Variants in HDAC9 observed in about 807,000 individuals in gnomAD.
The protein encoded by HDAC9 is MEF-2 interacting transcription repressor (MITR) protein.
HDAC9 carries 41 observed loss-of-function variants against 139.4 expected under a neutral mutation model. That is an observed-to-expected ratio of 0.29 (90% CI 0.23 to 0.38). HDAC9 has a LOEUF of 0.38. Among genes scored for constraint, HDAC9 ranks in the 10% least tolerant of loss-of-function variants. The probability of loss-of-function intolerance (pLI) is 1.00; values close to 1 mark genes in which losing one functional copy is unlikely to be tolerated. For synonymous variants in HDAC9, 517 were observed against 476.2 expected, an observed-to-expected ratio of 1.09 and a Z score of -1.12; for missense variants, 1,147 against 1,297.0, an observed-to-expected ratio of 0.88 and a Z score of 1.78.
In HDAC9 at chr7:18,585,522, G is replaced by A. The variant is rs1464773656; in HGVS notation, c.264G>A (p.Lys88=). ...QHQAQLQEHI[K]LQQELLAIKQ... ...AGGCTCAGCTTCAGGAGCATATCAA[G>A]GTAGCAAATGCTTCTTTGTCTGTGA... The change falls in exon 3 of 26, where the codon AAG becomes AAA. Residue 88 remains lysine (K), a splice_region_variant and synonymous_variant. Coordinates refer to ENST00000686413, the MANE Select transcript of HDAC9 (RefSeq NM_178425.4). The A allele has an allele frequency of 6.2e-7, 1 of 1,613,130 alleles. No individual in the cohort carries two copies. Among genetic ancestry groups the A allele is most frequent in the African/African-American group, 1.3e-5 (1 of 74,910 alleles).
chr7:18,378,370 TAATA>T (rs1444522146), intron 1 of HDAC9, among the ~76,000 whole-genome samples: 1 of 152,028 alleles, frequency 6.6e-6, no homozygotes, highest in Non-Finnish European at 1.5e-5. Context: ...AGTTTATTTT[TAATA>T]AATTATATAA....
chr7:18,540,439 A>G (rs1407460896), intron 2 of HDAC9, among the ~76,000 whole-genome samples: 3 of 152,144 alleles, frequency 2.0e-5, no homozygotes, highest in Non-Finnish European at 4.4e-5. Flanking sequence ...TGGTGTGTCA[A>G]GTACTGTGCT....
intron 12 of HDAC9, chr7:18,666,982 A>T (rs1795042606): frequency 3.0e-6 from 3 of 985,512 alleles, no homozygotes; most frequent in African/African-American, 3.5e-5. Context: ...GAACACTGTT[A>T]AAGGTAGTCT....
At chr7:18,937,262 A>G (rs1215624612) in intron 23 of HDAC9, among the ~76,000 whole-genome samples, 2 of 151,574 alleles carry the variant, frequency 1.3e-5, no homozygotes, top group African/African-American at 2.4e-5. Context: ...CTGGTCTCGA[A>G]CTCCTGACCT....
intron 1 of HDAC9, among the ~76,000 whole-genome samples, chr7:18,397,614 C>A (rs1336744333): frequency 6.6e-6 from 1 of 152,120 alleles, no homozygotes; most frequent in African/African-American, 2.4e-5. Flanking sequence ...CTAAACCAGA[C>A]ATCATTCAGA....
intron 1 of HDAC9, among the ~76,000 whole-genome samples, chr7:18,424,982 T>C (rs983225358): frequency 6.6e-5 from 10 of 152,188 alleles, no homozygotes; most frequent in Admixed American, 2.0e-4. Context: ...TATTATTGTA[T>C]ATTCAAATTG....
At chr7:18,138,470 G>C (rs776525505) in intron 1 of HDAC9, among the ~76,000 whole-genome samples, 29 of 151,978 alleles carry the variant, frequency 1.9e-4, no homozygotes, top group Non-Finnish European at 7.4e-5. Flanking sequence ...GAGAGGGAGA[G>C]AAAGAAATGG....
chr7:18,890,936 T>C, intron 22 of HDAC9, among the ~76,000 whole-genome samples: 1 of 152,188 alleles, frequency 6.6e-6, no homozygotes, highest in Non-Finnish European at 1.5e-5. Context: ...CAGGATTTAA[T>C]TTATTTAGCT....
intron 2 of HDAC9, among the ~76,000 whole-genome samples, chr7:18,269,771 C>T (rs1336667457): frequency 6.6e-6 from 1 of 151,756 alleles, no homozygotes; most frequent in African/African-American, 2.4e-5. Context: ...TATATATATA[C>T]ACACACATAT....
chr7:18,946,054 A>T (rs1782377555), intron 23 of HDAC9, among the ~76,000 whole-genome samples: 2 of 142,198 alleles, frequency 1.4e-5, no homozygotes, highest in East Asian at 2.1e-4. Context: ...AAAAAAAAAA[A>T]AAAAAAAAAA....
chr7:18,996,240 G>T lies in HDAC9; in HGVS notation c.*178G>T. On this transcript the variant is annotated 3_prime_UTR_variant, in exon 26 of 26. Transcript: ENST00000686413. ...TTGTTCTTTGGATGGACTTGAAAGG[G>T]CATTAAAGATTCCTTAAACGTAACC... The T allele has an allele frequency of 1.9e-6, 1 of 532,692 alleles. No individual in the cohort carries two copies. 33.0% of individuals were successfully genotyped at this position (532,692 alleles called of 1,614,324 possible). A position where few individuals can be genotyped will look rare whatever the true frequency, so the allele number is the denominator to read the frequency against.
chr7:18,196,576 G>C (rs1790740804), intron 2 of HDAC9, among the ~76,000 whole-genome samples: 1 of 152,150 alleles, frequency 6.6e-6, no homozygotes, highest in Non-Finnish European at 1.5e-5. Flanking sequence ...AAAAAGGTCA[G>C]TAGGCCAAAT....
chr7:18,289,136 A>C (rs552649944), upstream of HDAC9, among the ~76,000 whole-genome samples: 7 of 152,324 alleles, frequency 4.6e-5, no homozygotes, highest in South Asian at 1.4e-3. Context: ...TTCTCACCTT[A>C]AACTCAGACC....
intron 1 of HDAC9, among the ~76,000 whole-genome samples, chr7:18,136,336 T>C (rs1386458765): frequency 6.6e-6 from 1 of 152,198 alleles, no homozygotes; most frequent in Non-Finnish European, 1.5e-5. Context: ...TTTTGTCCTT[T>C]GTTGCCATTG....
intron 6 of HDAC9, among the ~76,000 whole-genome samples, chr7:18,617,089 G>A (rs10486291): frequency 6.6e-6 from 1 of 152,012 alleles, no homozygotes; most frequent in Admixed American, 6.6e-5. Context: ...TTCTGTTATT[G>A]CTTGCTGTTA....
At chr7:18,347,449 A>C (rs148950952) in intron 1 of HDAC9, among the ~76,000 whole-genome samples, 10 of 152,184 alleles carry the variant, frequency 6.6e-5, no homozygotes, top group Non-Finnish European at 1.0e-4. Context: ...CCTTACTTAG[A>C]CATTTGCTTA....
intron 2 of HDAC9, among the ~76,000 whole-genome samples, chr7:18,200,499 C>G (rs1053851116): frequency 6.6e-6 from 1 of 152,022 alleles, no homozygotes; most frequent in African/African-American, 2.4e-5. Context: ...TGGCCTGGCT[C>G]AAATGTTTCT....
chr7:18,423,904 A>T (rs1789872654), intron 1 of HDAC9, among the ~76,000 whole-genome samples: 1 of 152,218 alleles, frequency 6.6e-6, no homozygotes, highest in Non-Finnish European at 1.5e-5. Flanking sequence ...TTTGGGATGA[A>T]TTGTTCACAT....
At chr7:18,626,704 A>G (rs996054513) in intron 6 of HDAC9, among the ~76,000 whole-genome samples, 2 of 152,202 alleles carry the variant, frequency 1.3e-5, no homozygotes, top group African/African-American at 4.8e-5. Flanking sequence ...GACCATTGAA[A>G]GAAATCTGAG....
Sources: gnomAD v4.1 joint callset for allele counts (sites outside exome capture counted in the v4.1 genomes callset) on GRCh38, gnomAD v4.1.1 for gene constraint, MANE v1.5 for transcripts, NCBI Gene and HGNC (gene_info 2026-07-23, HGNC 2026-07-21) for gene names.